Variants in PSD2 observed in about 807,000 individuals in gnomAD.
PSD2 encodes pleckstrin and Sec7 domain containing 2.
Under a neutral mutation model 69.8 loss-of-function variants are expected in PSD2, and 38 were observed. That is an observed-to-expected ratio of 0.54 (90% confidence interval 0.42 to 0.71). The LOEUF is 0.71. Ranked by LOEUF, PSD2 falls within the 30% of genes least tolerant of loss-of-function variation. The pLI is 0.00. For missense variants in PSD2, 943 were observed against 1,014.5 expected (o/e 0.93, Z 0.96); for synonymous variants, 412 against 423.0 (o/e 0.97, Z 0.32).
Position 139,822,745 on chromosome 5 carries a change from C to G in PSD2, c.1230C>G (p.Thr410=). ...STSEDGIHTL[T]CALMLLNTDL... is the part of the protein sequence containing the mutation. Reference sequence around the variant, plus strand: ...ACTCAGATGGGATCCACACGCTCACCTGTGCCCTGATGCTGCTCAACACGG... The same window carrying G: ...ACTCAGATGGGATCCACACGCTCACGTGTGCCCTGATGCTGCTCAACACGG... The change falls in exon 7 of 15, where the codon ACC becomes ACG. Residue 410 remains threonine, a synonymous_variant. Coordinates refer to ENST00000274710, the MANE Select transcript of PSD2 (RefSeq NM_032289.4). 1 of 1,611,232 alleles carries G rather than the reference C, an allele frequency of 6.2e-7. No homozygotes were observed. Among genetic ancestry groups the G allele is most frequent in the South Asian group, 1.1e-5 (1 of 90,514 alleles).
At chr5:139,809,858 G>A (rs758557443) in intron 2 of PSD2, 47 bp downstream of exon 2, 3 of 1,598,712 alleles carry the variant, frequency 1.9e-6, no homozygotes, top group Non-Finnish European at 2.6e-6. Flanking sequence ...TGGCTGTTCT[G>A]TTGTTGTGTG....
rs1185185766 is a variant in PSD2 at position 139,808,626 on chromosome 5, G to A, written c.-50-765G>A. Among the ~76,000 whole-genome samples the A allele has an allele frequency of 2.0e-5, 3 of 152,194 alleles. No individual in the cohort carries two copies. The East Asian group carries it at 5.8e-4, about 29-fold the overall frequency. ...CCCTCCTCGCAGCTGGGTGAGCTCT[G>A]ATGGGGGCCCGGGAGTGGAGGGGAA... On this transcript the variant is annotated intron_variant, in intron 1 of 14. Transcript: ENST00000274710.
the PSD2 span, among the ~76,000 whole-genome samples, chr5:139,778,935 A>C: frequency 6.7e-6 from 1 of 149,362 alleles, no homozygotes; most frequent in South Asian, 2.1e-4. Context: ...TCTCAAAAAA[A>C]GAAAAAAAAC....
intron 7 of PSD2, among the ~76,000 whole-genome samples, chr5:139,830,762 C>T (rs1046177038): frequency 6.9e-6 from 1 of 144,848 alleles, no homozygotes; most frequent in East Asian, 2.0e-4. Context: ...TCAAGTGATC[C>T]TTCCACCTTG....
the PSD2 span, among the ~76,000 whole-genome samples, chr5:139,760,923 G>T: frequency 6.6e-6 from 1 of 152,178 alleles, no homozygotes; most frequent in African/African-American, 2.4e-5. Context: ...CTGCCCCGGG[G>T]ATCTCCTGGT....
At chr5:139,772,165 A>G in the PSD2 span, among the ~76,000 whole-genome samples, 1 of 152,066 alleles carries the variant, frequency 6.6e-6, no homozygotes, top group Non-Finnish European at 1.5e-5. Context: ...GCTGGGTGGG[A>G]GGAAAAAGCG....
intron 1 of PSD2, among the ~76,000 whole-genome samples, chr5:139,798,711 A>G (rs545417767): frequency 1.3e-5 from 2 of 152,270 alleles, no homozygotes; most frequent in African/African-American, 2.4e-5. Context: ...CAACATTATA[A>G]CACTTCACCT....
At chr5:139,820,084 A>G (rs2126947039) in intron 5 of PSD2, among the ~76,000 whole-genome samples, 1 of 152,328 alleles carries the variant, frequency 6.6e-6, no homozygotes, top group East Asian at 1.9e-4. Flanking sequence ...GAGAGGCTCC[A>G]CAGAGGGAAG....
At chr5:139,811,806 G>A (rs1048326949) in intron 2 of PSD2, among the ~76,000 whole-genome samples, 31 of 152,232 alleles carry the variant, frequency 2.0e-4, no homozygotes, top group African/African-American at 7.2e-4. Flanking sequence ...TGTTAGCCAG[G>A]ATGGTCTAGA....
chr5:139,833,637 A>C, intron 7 of PSD2, 65 bp from the exon 8 acceptor site: 2 of 1,114,354 alleles, frequency 1.8e-6, no homozygotes, highest in Non-Finnish European at 2.8e-6. Flanking sequence ...TGGGCAGGGC[A>C]GGGTGTGTGG....
the PSD2 span, among the ~76,000 whole-genome samples, chr5:139,790,155 G>A: frequency 2.0e-5 from 3 of 152,042 alleles, no homozygotes; most frequent in African/African-American, 7.2e-5. Flanking sequence ...ACGGGAGCTC[G>A]CGCCTGTAAT....
At chr5:139,791,285 C>A (rs763219637), upstream of PSD2, among the ~76,000 whole-genome samples, 1 of 152,074 alleles carries the variant, frequency 6.6e-6, no homozygotes, top group Non-Finnish European at 1.5e-5. Flanking sequence ...TAAAAATTAG[C>A]TGGGTATAGT....
At chr5:139,777,269 A>G in the PSD2 span, among the ~76,000 whole-genome samples, 1 of 152,244 alleles carries the variant, frequency 6.6e-6, no homozygotes, top group Non-Finnish European at 1.5e-5. Flanking sequence ...TGTGTTTGTT[A>G]TAGGGAAAGT....
chr5:139,803,692 C>A (rs1759728040), intron 1 of PSD2, among the ~76,000 whole-genome samples: 1 of 152,208 alleles, frequency 6.6e-6, no homozygotes, highest in African/African-American at 2.4e-5. Context: ...CAAGGCGGTC[C>A]AAGCTGGGAA....
intron 1 of PSD2, among the ~76,000 whole-genome samples, chr5:139,805,089 C>T (rs1312647201): frequency 3.3e-5 from 5 of 152,122 alleles, no homozygotes; most frequent in Non-Finnish European, 7.4e-5. Context: ...GGCATGTGTA[C>T]ATGTGTGCAT....
chr5:139,755,621 T>C, the PSD2 span, among the ~76,000 whole-genome samples: 4 of 143,298 alleles, frequency 2.8e-5, no homozygotes, highest in African/African-American at 1.1e-4. Flanking sequence ...CGTGTGAGCA[T>C]CTCTGCGGCC....
At chr5:139,763,376 G>A in the PSD2 span, among the ~76,000 whole-genome samples, 1 of 152,162 alleles carries the variant, frequency 6.6e-6, no homozygotes, top group Non-Finnish European at 1.5e-5. Flanking sequence ...CTCCCCCTGG[G>A]GTGCCCACCT....
chr5:139,835,774 G>C lies in PSD2; in HGVS notation c.1403+8G>C. On this transcript the variant is annotated splice_region_variant and intron_variant, in intron 9 of 14. Coordinates refer to ENST00000274710, the MANE Select transcript of PSD2 (RefSeq NM_032289.4). ...AAAGCTGGAATGGGCCATGTGAGTA[G>C]TGACGATGGGCACAGGTATGGGGAG... The C allele has an allele frequency of 1.2e-6, 2 of 1,613,884 alleles. No individual in the cohort carries two copies. Among genetic ancestry groups the C allele is most frequent in the Non-Finnish European group, 1.7e-6 (2 of 1,179,748 alleles).
rs768303780 is a variant in PSD2, at chr5:139,817,485, G to A, written c.1021G>A (p.Glu341Lys). The A allele has an allele frequency of 3.6e-5, 58 of 1,613,868 alleles. No homozygotes were observed. Among genetic ancestry groups the A allele is most frequent in the Non-Finnish European group, 4.7e-5 (56 of 1,179,868 alleles). ...DVARQLGKNN[E>K]FSRLVAGEYL... is the part of the protein sequence containing the mutation. ...CATCCCATACTCTCCTGGCAGCAACGAGTTTAGCAGGCTGGTGGCCGGGGA... is the reference window on the plus strand; with the variant it reads ...CATCCCATACTCTCCTGGCAGCAACAAGTTTAGCAGGCTGGTGGCCGGGGA... The change falls in exon 5 of 15, where the codon GAG becomes AAG. Residue 341 changes from glutamate to lysine, a missense_variant. Physicochemically the swap from Glu to Lys is moderately conservative, Grantham distance 56. Transcript: ENST00000274710.
Sources: allele counts gnomAD v4.1 joint callset (sites outside exome capture counted in the v4.1 genomes callset), GRCh38; gene constraint gnomAD v4.1.1; transcripts MANE v1.5; gene names NCBI Gene and HGNC (gene_info 2026-07-23, HGNC 2026-07-21).